Variants in MACF1 observed in about 807,000 individuals in gnomAD.
MACF1 encodes the protein microtubule actin crosslinking factor 1.
MACF1 carries 193 observed loss-of-function variants against 854.8 expected under a neutral mutation model. The ratio of observed to expected loss-of-function variants is 0.23; its 90% CI spans 0.20 to 0.25. The LOEUF (loss-of-function observed/expected upper bound fraction) is 0.25. MACF1 is among the 10% of genes least tolerant of loss of function. MACF1 has a pLI of 1.00. For missense variants in MACF1, 7,722 were observed against 8,929.1 expected, an observed-to-expected ratio of 0.86 and a Z score of 5.45; for synonymous variants, 3,185 against 3,226.7, an observed-to-expected ratio of 0.99 and a Z score of 0.44.
At position 39,105,943 on chromosome 1, in the gene MACF1, ATG is replaced by A. The variant is rs1246065682; in HGVS notation, c.220+21506_220+21507del. On this transcript the variant is annotated intron_variant, in intron 2 of 93. Transcript: ENST00000361689. This position sits in a 1 kb window ranked among gnomAD's most constrained non-coding sequence, Gnocchi z 5.9. ...TCGGCGCGCTCAGAGCGCCAGTTAC[ATG>A]ATTTGCCCTATTATCCGGCCCCAGC... 6.6e-6 allele frequency among the ~76,000 whole-genome samples: 1 copy of A among 152,200 alleles called. No homozygotes were observed.
intron 2 of MACF1, among the ~76,000 whole-genome samples, chr1:39,093,776 G>A (rs1398155060): frequency 6.6e-6 from 1 of 150,996 alleles, no homozygotes; most frequent in Non-Finnish European, 1.5e-5. Context: ...GAGCCATCAC[G>A]CCCGGCCAAG....
chr1:39,400,413 A>C (rs766191138), intron 58 of MACF1, among the ~76,000 whole-genome samples: 56 of 152,206 alleles, frequency 3.7e-4, no homozygotes, highest in Non-Finnish European at 7.2e-4. Flanking sequence ...TGCTCAGCTC[A>C]CTAGATGATA....
Position 39,359,255 on chromosome 1 carries a change from G to A in MACF1, c.12235G>A (p.Glu4079Lys). The A allele has an allele frequency of 1.2e-6, 2 of 1,614,144 alleles. No homozygotes were observed. Among genetic ancestry groups the A allele is most frequent in the Middle Eastern group, 1.6e-4 (1 of 6,062 alleles). Reference protein sequence around the residue: ...EPAPDHRHVQETTDSILSHFQ... With the variant: ...EPAPDHRHVQKTTDSILSHFQ... Reference sequence around the variant, plus strand: ...AGCCCCAGACCACAGGCATGTTCAAGAAACTACAGGTATAAAGCAGCAACA... The same window carrying A: ...AGCCCCAGACCACAGGCATGTTCAAAAAACTACAGGTATAAAGCAGCAACA... Residue 4079 changes from glutamate to lysine, a missense_variant, in exon 47 of 101, where the codon GAA becomes AAA. Physicochemically the swap from Glu to Lys is moderately conservative, Grantham distance 56. This residue lies in a region of MACF1 where 2,807 missense variants were observed against 3,235.8 expected (regional missense o/e 0.87). Transcript: ENST00000564288.
chr1:39,095,858 A>AGTGAGATGG (rs1056303607), intron 2 of MACF1, among the ~76,000 whole-genome samples: 11 of 151,344 alleles, frequency 7.3e-5, no homozygotes, highest in African/African-American at 2.7e-4. Flanking sequence ...TAGGCAACAG[A>AGTGAGATGG]GTGAGATGGC....
At chr1:39,122,238 CTG>C (rs1175390336) in intron 2 of MACF1, among the ~76,000 whole-genome samples, 2 of 149,444 alleles carry the variant, frequency 1.3e-5, no homozygotes, top group East Asian at 3.9e-4. Context: ...GCAGCCACTT[CTG>C]TGTTTGGTAA....
At chr1:39,303,741 G>A (rs1178000603) in intron 23 of MACF1, among the ~76,000 whole-genome samples, 3 of 151,354 alleles carry the variant, frequency 2.0e-5, no homozygotes, top group Non-Finnish European at 2.9e-5. Context: ...GCAGGCCCCT[G>A]TAATCCCAGC....
chr1:39,478,964 T>G (rs1308088506), intron 97 of MACF1, among the ~76,000 whole-genome samples: 1 of 152,244 alleles, frequency 6.6e-6, no homozygotes, highest in African/African-American at 2.4e-5. Context: ...AGAGGGATTA[T>G]GTCTTTTAAA....
intron 2 of MACF1, among the ~76,000 whole-genome samples, chr1:39,170,249 T>G (rs576402919): frequency 6.6e-6 from 1 of 152,360 alleles, no homozygotes; most frequent in Admixed American, 6.5e-5. Flanking sequence ...TTTATCTATC[T>G]ATTGAAATGG....
intron 58 of MACF1, among the ~76,000 whole-genome samples, chr1:39,390,184 A>G (rs560839385): frequency 6.6e-6 from 1 of 152,376 alleles, no homozygotes; most frequent in Admixed American, 6.5e-5. Context: ...GGATACTTTC[A>G]GCACTTTGTT....
intron 52 of MACF1, among the ~76,000 whole-genome samples, chr1:39,373,961 G>T (rs951952293): frequency 5.9e-5 from 9 of 151,964 alleles, no homozygotes; most frequent in African/African-American, 1.2e-4. Flanking sequence ...TAATATGAAG[G>T]CCAGGCACAG....
rs2148121099 is a variant in MACF1, at chr1:39,091,353, T to C, written c.220+6915T>C. Among the ~76,000 whole-genome samples the C allele has an allele frequency of 1.3e-5, 2 of 152,316 alleles. 1 individual carries two copies. The highest frequency in any genetic ancestry group is 6.8e-3 in the Middle Eastern group (2 of 294). On this transcript the variant is annotated intron_variant, in intron 2 of 93. Transcript: ENST00000361689. Reference sequence around the variant, plus strand: ...TGCTCACTTGCTAATTGGGTGACCCTGGGACGTTAGTCACTTCATTGAGCC... The same window carrying C: ...TGCTCACTTGCTAATTGGGTGACCCCGGGACGTTAGTCACTTCATTGAGCC...
chr1:39,311,269 A>G (rs1167734156), intron 26 of MACF1, among the ~76,000 whole-genome samples: 1 of 152,208 alleles, frequency 6.6e-6, no homozygotes, highest in Non-Finnish European at 1.5e-5. Context: ...TGGGCTATGT[A>G]TTTTGAAACT....
intron 2 of MACF1, among the ~76,000 whole-genome samples, chr1:39,246,604 G>T (rs1036412766): frequency 3.3e-5 from 5 of 151,980 alleles, no homozygotes; most frequent in African/African-American, 9.7e-5. Flanking sequence ...TGCCTTCCGG[G>T]TTCAAGCGAT....
At chr1:39,211,384 C>T (rs1441393953) in intron 1 of MACF1, among the ~76,000 whole-genome samples, 1 of 152,078 alleles carries the variant, frequency 6.6e-6, no homozygotes, top group Non-Finnish European at 1.5e-5. Context: ...TTCCTGTGAA[C>T]TGTTGGGATG....
chr1:39,460,909 A>T lies in MACF1; in HGVS notation c.21523+115A>T. The T allele has an allele frequency of 8.2e-7, 1 of 1,213,794 alleles. No individual in the cohort carries two copies. Among genetic ancestry groups the T allele is most frequent in the Non-Finnish European group, 1.2e-6 (1 of 847,624 alleles). 75.2% of individuals were successfully genotyped at this position (1,213,794 alleles called of 1,614,324 possible). On this transcript the variant is annotated intron_variant, in intron 92 of 100. Coordinates refer to ENST00000564288, the MANE Select transcript of MACF1 (RefSeq NM_001394062.1). The surrounding 1 kb of genome is among the most constrained non-coding windows in gnomAD (Gnocchi z 4.1). The stretch of plus-strand genomic sequence containing the variant: ...GAAGCTGGCCAGGAGCTTGGCTCAC[A>T]CCTGTAATTCCAGCACTTTGGGAGG...
chr1:39,424,461 A>G (rs958764451), intron 61 of MACF1, among the ~76,000 whole-genome samples: 1 of 152,168 alleles, frequency 6.6e-6, no homozygotes, highest in African/African-American at 2.4e-5. Context: ...CATAGTTCCA[A>G]ATGACAGACA....
rs972459293 is a variant in MACF1 at position 39,105,779 on chromosome 1, C to A, written c.220+21341C>A. Reference sequence around the variant, plus strand: ...GCCGGCGCAGCGTGGCCTTCGGAGCCGGTCGGCTCGGCGGCTGCAGGTGGG... The same window carrying A: ...GCCGGCGCAGCGTGGCCTTCGGAGCAGGTCGGCTCGGCGGCTGCAGGTGGG... On this transcript the variant is annotated intron_variant, in intron 2 of 93. Coordinates refer to the MACF1 transcript ENST00000361689. This position sits in a 1 kb window ranked among gnomAD's most constrained non-coding sequence, Gnocchi z 5.9. 26 of 1,026,632 alleles carry A rather than the reference C, an allele frequency of 2.5e-5. No individual in the cohort carries two copies. The highest frequency in any genetic ancestry group is 3.0e-5 in the Non-Finnish European group (26 of 854,614). 63.6% of individuals were successfully genotyped at this position (1,026,632 alleles called of 1,614,324 possible).
At chr1:39,305,260 CAAAAA>C (rs925943198) in intron 23 of MACF1, among the ~76,000 whole-genome samples, 1 of 66,078 alleles carries the variant, frequency 1.5e-5, no homozygotes. Context: ...GACTCTGTCT[CAAAAA>C]AAAAAAAAAA....
intron 58 of MACF1, among the ~76,000 whole-genome samples, chr1:39,405,758 A>C (rs1642671347): frequency 6.6e-6 from 1 of 152,238 alleles, no homozygotes; most frequent in African/African-American, 2.4e-5. Flanking sequence ...AACTCATTTG[A>C]AATTTGGCTT....
Sources: gnomAD v4.1 joint callset for allele counts (sites outside exome capture counted in the v4.1 genomes callset) on GRCh38, gnomAD v4.1.1 for gene constraint, gnomAD v4.1.1 regional missense constraint, Gnocchi (gnomAD v3.1) non-coding constraint, MANE v1.5 for transcripts, NCBI Gene and HGNC (gene_info 2026-07-23, HGNC 2026-07-21) for gene names.